SBF2: variants seen among roughly 807,000 people sequenced by gnomAD.
The protein encoded by SBF2 is SET binding factor 2, also known as myotubularin-related protein 13.
A neutral mutation model predicts 225.2 loss-of-function variants in SBF2; 112 were observed. The observed-to-expected ratio is 0.50, with a 90% CI of 0.43 to 0.58. The LOEUF is 0.58. SBF2 is among the 20% of genes least tolerant of loss of function. The pLI, the probability that SBF2 is intolerant of heterozygous loss-of-function variation, is 0.00. For synonymous variants in SBF2, 763 were observed against 773.3 expected, an observed-to-expected ratio of 0.99 and a Z score of 0.22; for missense variants, 1,996 against 2,206.2, an observed-to-expected ratio of 0.90 and a Z score of 1.91.
At chr11:10,221,221 G>T (rs1468158434) in intron 1 of SBF2, among the ~76,000 whole-genome samples, 1 of 151,302 alleles carries the variant, frequency 6.6e-6, no homozygotes, top group Non-Finnish European at 1.5e-5. Flanking sequence ...GGGTTCAAGT[G>T]ATTCTCCTGT....
chr11:10,298,415 A>T (rs115370529), upstream of SBF2, among the ~76,000 whole-genome samples: 1,310 of 152,362 alleles, frequency 8.6e-3, 12 homozygotes, highest in African/African-American at 0.03. Context: ...AAAAAATTTT[A>T]AAAAAGACAA....
rs117735974 is a variant in SBF2, at chr11:9,929,576, A to G, written c.1860+32381T>C. Among the ~76,000 whole-genome samples the G allele has an allele frequency of 1.2e-4, 19 of 152,310 alleles. No individual in the cohort carries two copies. In the East Asian group the frequency reaches 3.7e-3, roughly 29 times the overall value. The stretch of plus-strand genomic sequence containing the variant: ...TATAGTTGGCAAATCGATGAGATAA[A>G]CCGAAAACTGCAAGGCCTGCAGCTG... On this transcript the variant is annotated intron_variant, in intron 16 of 39. Transcript: ENST00000256190.
At chr11:9,998,447 C>T (rs772346792) in intron 8 of SBF2, 68 bp from the exon 9 acceptor site, 43 of 865,710 alleles carry the variant, frequency 5.0e-5, no homozygotes, top group Non-Finnish European at 8.0e-5. Flanking sequence ...ATTATTTTTC[C>T]CTTGACTAAT....
intron 32 of SBF2, among the ~76,000 whole-genome samples, chr11:9,803,845 A>C (rs1853631557): frequency 6.6e-6 from 1 of 151,314 alleles, no homozygotes; most frequent in Non-Finnish European, 1.5e-5. Context: ...AAATTTTTGA[A>C]AGATGGAAAA....
chr11:10,016,222 G>C (rs926303246), intron 6 of SBF2, among the ~76,000 whole-genome samples: 1 of 152,092 alleles, frequency 6.6e-6, no homozygotes, highest in African/African-American at 2.4e-5. Context: ...GCAGTTGTAA[G>C]GAACTTTACG....
rs531735195 is a variant in SBF2 at position 9,804,988 on chromosome 11, TA to T, written c.4443+3011del. 3.6e-3 allele frequency among the ~76,000 whole-genome samples: 541 copies of T among 152,306 alleles called. 4 individuals are homozygous for T. The highest frequency in any genetic ancestry group is 0.013 in the African/African-American group (525 of 41,574). ...AGCTGGGCATGGTGGCTCACGCCTGTAATCCCAGTACTTTGGAAGGCCAAGG... is the reference window on the plus strand; with the variant it reads ...AGCTGGGCATGGTGGCTCACGCCTGTATCCCAGTACTTTGGAAGGCCAAGG... On this transcript the variant is annotated intron_variant, in intron 32 of 39. Coordinates refer to ENST00000256190, the MANE Select transcript of SBF2 (RefSeq NM_030962.4).
At chr11:10,157,004 T>C (rs763947962) in intron 2 of SBF2, among the ~76,000 whole-genome samples, 2 of 152,072 alleles carry the variant, frequency 1.3e-5, no homozygotes, top group Non-Finnish European at 2.9e-5. Flanking sequence ...ATCATGCTAC[T>C]CAACTTCAAA....
At chr11:10,137,048 T>C (rs1316383227) in intron 2 of SBF2, among the ~76,000 whole-genome samples, 1 of 152,230 alleles carries the variant, frequency 6.6e-6, no homozygotes, top group Non-Finnish European at 1.5e-5. Flanking sequence ...ATGTACACAG[T>C]ATTTCCATTT....
chr11:9,818,354 C>G (rs1854568678), intron 28 of SBF2, among the ~76,000 whole-genome samples: 1 of 152,206 alleles, frequency 6.6e-6, no homozygotes, highest in African/African-American at 2.4e-5. Flanking sequence ...TTTCTATATG[C>G]AAGTGAGACT....
intron 16 of SBF2, among the ~76,000 whole-genome samples, chr11:9,926,372 A>G (rs1864055523): frequency 6.6e-6 from 1 of 152,130 alleles, no homozygotes; most frequent in Non-Finnish European, 1.5e-5. Flanking sequence ...GAAAGACTGA[A>G]AATCTTAAGT....
At chr11:10,152,463 C>T (rs1336672196) in intron 2 of SBF2, among the ~76,000 whole-genome samples, 6 of 151,710 alleles carry the variant, frequency 4.0e-5, no homozygotes, top group African/African-American at 1.5e-4. Flanking sequence ...GCAGGAGAAT[C>T]GCTTGAACCT....
intron 1 of SBF2, among the ~76,000 whole-genome samples, chr11:10,245,907 A>G (rs1367985442): frequency 2.6e-5 from 4 of 152,366 alleles, no homozygotes; most frequent in South Asian, 4.1e-4. Context: ...GACAAATACC[A>G]TTTATAGGGG....
chr11:10,119,631 G>A (rs1443247496), intron 2 of SBF2, among the ~76,000 whole-genome samples: 2 of 152,064 alleles, frequency 1.3e-5, no homozygotes, highest in African/African-American at 4.8e-5. Flanking sequence ...GTGATTCTCT[G>A]TTTTAAACTC....
intron 2 of SBF2, among the ~76,000 whole-genome samples, chr11:10,164,498 C>T (rs1348402597): frequency 6.6e-6 from 1 of 152,080 alleles, no homozygotes; most frequent in African/African-American, 2.4e-5. Context: ...TTAATAGAAT[C>T]GATAGTCAAA....
chr11:10,086,631 T>A (rs957599183), intron 2 of SBF2, among the ~76,000 whole-genome samples: 1 of 152,176 alleles, frequency 6.6e-6, no homozygotes, highest in Admixed American at 6.5e-5. Flanking sequence ...CACTTTTGTA[T>A]TTCAATTTCC....
At chr11:10,080,378 A>C (rs1951319945) in intron 2 of SBF2, among the ~76,000 whole-genome samples, 1 of 152,086 alleles carries the variant, frequency 6.6e-6, no homozygotes, top group Non-Finnish European at 1.5e-5. Context: ...GGTCCTATCA[A>C]AAAAACTCAA....
chr11:10,204,247 A>C (rs1386225050), intron 1 of SBF2, among the ~76,000 whole-genome samples: 2 of 151,928 alleles, frequency 1.3e-5, no homozygotes. Flanking sequence ...AAGCAAAAAA[A>C]AAAAAAAAAA....
intron 17 of SBF2, among the ~76,000 whole-genome samples, chr11:9,866,115 T>G (rs1009537356): frequency 5.9e-5 from 9 of 152,226 alleles, no homozygotes; most frequent in African/African-American, 2.2e-4. Context: ...GGTTATTGCA[T>G]ATTGGTTATT....
intron 13 of SBF2, among the ~76,000 whole-genome samples, chr11:9,985,812 T>G (rs1043325170): frequency 6.7e-6 from 1 of 149,256 alleles, no homozygotes; most frequent in African/African-American, 2.5e-5. Context: ...AGAAATGAGA[T>G]AGACAGCAAC....
Sources: gnomAD v4.1 joint callset for allele counts (sites outside exome capture counted in the v4.1 genomes callset) on GRCh38, gnomAD v4.1.1 for gene constraint, MANE v1.5 for transcripts, NCBI Gene and HGNC (gene_info 2026-07-23, HGNC 2026-07-21) for gene names.